The following TARS3 variants were observed in gnomAD, a reference collection of about 807,000 sequenced individuals.
TARS3 encodes threonyl-tRNA synthetase 3, also known as threonine--tRNA ligase 2, cytoplasmic.
TARS3 carries 94 observed loss-of-function variants against 103.5 expected under a neutral mutation model. The observed-to-expected ratio is 0.91, with a 90% CI of 0.77 to 1.08. TARS3 has a LOEUF of 1.08. Among genes scored for constraint, TARS3 ranks in the 50% least tolerant of loss-of-function variants. TARS3 has a pLI of 0.00. For missense variants in TARS3, 952 were observed against 995.2 expected, an observed-to-expected ratio of 0.96 and a Z score of 0.58; for synonymous variants, 416 against 355.4, an observed-to-expected ratio of 1.17 and a Z score of -1.92.
At chr15:101,691,302 C>CA (rs1280744220) in intron 10 of TARS3, among the ~76,000 whole-genome samples, 1 of 148,876 alleles carries the variant, frequency 6.7e-6, no homozygotes, top group East Asian at 2.0e-4. Flanking sequence ...ATTTTTGAAA[C>CA]AGAGTGTTGC....
In TARS3 at chr15:101,665,115, CA is replaced by C. The variant is rs569720006; in HGVS notation, c.1968-3300del. Among the ~76,000 whole-genome samples, 64 of 152,208 alleles carry C rather than the reference CA, an allele frequency of 4.2e-4. 1 individual carries two copies. Among genetic ancestry groups the C allele is most frequent in the African/African-American group, 1.4e-3 (57 of 41,534 alleles). ...CAGCCTCAGAAAACTGGAAAAATAC[CA>C]AAAGGTCTAATATTCAGGTCACCTG... On this transcript the variant is annotated intron_variant, in intron 15 of 18. Transcript: ENST00000335968.
At chr15:101,707,815 G>C (rs1015457370) in intron 6 of TARS3, among the ~76,000 whole-genome samples, 7 of 152,114 alleles carry the variant, frequency 4.6e-5, no homozygotes, top group African/African-American at 1.7e-4. Context: ...CCACAGAACT[G>C]TATACTTAGG....
intron 10 of TARS3, among the ~76,000 whole-genome samples, chr15:101,689,514 T>C (rs377585993): frequency 6.6e-6 from 1 of 151,940 alleles, no homozygotes; most frequent in Non-Finnish European, 1.5e-5. Flanking sequence ...GGTCTCTTTA[T>C]AAAAAGGAGA....
intron 3 of TARS3, among the ~76,000 whole-genome samples, chr15:101,719,905 T>C (rs748284711): frequency 6.6e-6 from 1 of 152,192 alleles, no homozygotes; most frequent in Non-Finnish European, 1.5e-5. Flanking sequence ...CACTGATGGC[T>C]GATCAATTCA....
intron 15 of TARS3, among the ~76,000 whole-genome samples, chr15:101,668,606 A>C (rs1473943217): frequency 6.6e-6 from 1 of 152,224 alleles, no homozygotes; most frequent in Non-Finnish European, 1.5e-5. Context: ...TGCTTGACAC[A>C]GGGCTGCCAC....
chr15:101,697,293 G>T (rs1418469210), intron 10 of TARS3, among the ~76,000 whole-genome samples: 2 of 152,094 alleles, frequency 1.3e-5, no homozygotes, highest in South Asian at 2.1e-4. Context: ...GTAGCTTTGG[G>T]GCCAGGTGGT....
In TARS3 at chr15:101,654,596, C is replaced by T. The variant is rs1386858705; in HGVS notation, c.2395G>A (p.Glu799Lys). Residue 799 changes from glutamate to lysine, a missense_variant, in exon 19 of 19, where the codon GAG becomes AAG. Around this residue, in one of 2 missense-constraint regions of TARS3, gnomAD observed 540 missense variants for 631.0 expected, o/e 0.86. Coordinates refer to ENST00000335968, the MANE Select transcript of TARS3 (RefSeq NM_152334.3). The stretch of plus-strand genomic sequence containing the variant: ...AGGGAAGGACTTCAAAAGGCCTCCT[C>T]AGCATTGAGTGTCCGTGTCTTCCTG... ...NLRKTRTLNAEEAF is the reference protein window; with the variant it reads ...NLRKTRTLNAKEAF 1.2e-6 allele frequency: 2 copies of T among 1,613,494 alleles called. No homozygotes were observed. The highest frequency in any genetic ancestry group is 1.7e-5 in the Admixed American group (1 of 59,718).
Position 101,712,409 on chromosome 15 carries a change from G to A in TARS3, c.691-408C>T, listed in dbSNP as rs139546891. 2.0e-5 allele frequency among the ~76,000 whole-genome samples: 3 copies of A among 152,258 alleles called. No homozygotes were observed. In the East Asian group the frequency reaches 5.8e-4, roughly 29 times the overall value. On this transcript the variant is annotated intron_variant, in intron 4 of 18. Transcript: ENST00000335968. ...CTAGCTGTCTTCTTTTTCTCCAGGG[G>A]CACCCTCTCTGAGCTGGACACAGAG...
chr15:101,677,984 A>AC (rs1488922140), intron 12 of TARS3, among the ~76,000 whole-genome samples: 1 of 132,460 alleles, frequency 7.5e-6, no homozygotes, highest in African/African-American at 2.8e-5. Context: ...TTTGGGGGTC[A>AC]TTTTTTTTTT....
intron 18 of TARS3, among the ~76,000 whole-genome samples, chr15:101,655,058 A>G (rs952601095): frequency 1.3e-5 from 2 of 150,514 alleles, no homozygotes; most frequent in Admixed American, 1.3e-4. Context: ...CAGTGACCCC[A>G]CCTGGCACTA....
At chr15:101,672,104 A>C (rs529031932) in intron 13 of TARS3, among the ~76,000 whole-genome samples, 1 of 152,070 alleles carries the variant, frequency 6.6e-6, no homozygotes, top group African/African-American at 2.4e-5. Context: ...GGGCCTCCAC[A>C]CATGAAAAAG....
chr15:101,674,132 G>A (rs1016495208), intron 13 of TARS3, among the ~76,000 whole-genome samples: 3 of 152,180 alleles, frequency 2.0e-5, no homozygotes, highest in Non-Finnish European at 4.4e-5. Flanking sequence ...CCGTCCTTTC[G>A]TCCAGAGTCT....
chr15:101,661,890 T>C (rs77880645), intron 15 of TARS3, 74 bp from the exon 16 acceptor site: 1 of 927,142 alleles, frequency 1.1e-6, no homozygotes, highest in Non-Finnish European at 1.6e-6. Flanking sequence ...ATATTTAATT[T>C]TGAGAATAGA....
chr15:101,702,177 G>T, intron 9 of TARS3, 62 bp downstream of exon 9: 1 of 1,579,346 alleles, frequency 6.3e-7, no homozygotes, highest in South Asian at 1.2e-5. Flanking sequence ...AGTTTTGTGA[G>T]ACAGAAACAT....
intron 12 of TARS3, among the ~76,000 whole-genome samples, chr15:101,681,319 G>C (rs142957444): frequency 6.6e-6 from 1 of 152,158 alleles, no homozygotes; most frequent in Non-Finnish European, 1.5e-5. Flanking sequence ...AAAAAGGTCT[G>C]CTTGGGTATT....
chr15:101,700,830 C>A (rs748584556), intron 10 of TARS3, among the ~76,000 whole-genome samples: 2 of 152,042 alleles, frequency 1.3e-5, no homozygotes, highest in Non-Finnish European at 2.9e-5. Context: ...TTAGTAGAGA[C>A]AGGGTTTCAC....
intron 15 of TARS3, among the ~76,000 whole-genome samples, chr15:101,668,262 C>T (rs1359218048): frequency 6.6e-6 from 1 of 152,088 alleles, no homozygotes; most frequent in African/African-American, 2.4e-5. Flanking sequence ...CTTCTTTAAA[C>T]ATGAATATTT....
Position 101,724,342 on chromosome 15 carries a change from C to T in TARS3, c.46G>A (p.Glu16Lys). 3 of 1,555,114 alleles carry T rather than the reference C, an allele frequency of 1.9e-6. No individual in the cohort carries two copies. Among genetic ancestry groups the T allele is most frequent in the Admixed American group, 1.8e-5 (1 of 54,490 alleles). ...LAAEAVASRL[E>K]RQEEDIRWLW... ...CAGCGGATGTCCTCCTCCTGCCGCTCCAGGCGCGACGCCACGGCCTCCGCC... is the reference window on the plus strand; with the variant it reads ...CAGCGGATGTCCTCCTCCTGCCGCTTCAGGCGCGACGCCACGGCCTCCGCC... The change falls in exon 1 of 19, where the codon GAG (glutamate) becomes AAG (lysine). Residue 16 changes from glutamate to lysine, a missense_variant. By Grantham distance (56) the Glu-to-Lys change is moderately conservative (BLOSUM62 1). Coordinates refer to ENST00000335968, the MANE Select transcript of TARS3 (RefSeq NM_152334.3).
chr15:101,718,800 C>A (rs186136268), intron 3 of TARS3, among the ~76,000 whole-genome samples: 2 of 152,166 alleles, frequency 1.3e-5, no homozygotes, highest in Non-Finnish European at 2.9e-5. Context: ...TCATGTGGAA[C>A]GGATTAGCTG....
Sources: allele counts gnomAD v4.1 joint callset (sites outside exome capture counted in the v4.1 genomes callset), GRCh38; gene constraint gnomAD v4.1.1; regional missense constraint gnomAD v4.1.1; transcripts MANE v1.5; gene names NCBI Gene and HGNC (gene_info 2026-07-23, HGNC 2026-07-21).